Variants in SEMA3C observed in about 807,000 individuals in gnomAD.
The protein encoded by SEMA3C is semaphorin-3C.
A neutral mutation model predicts 89.4 loss-of-function variants in SEMA3C; 47 were observed. That is an observed-to-expected ratio of 0.53 (90% CI 0.42 to 0.67). The LOEUF is 0.67. Among genes scored for constraint, SEMA3C ranks in the 30% least tolerant of loss-of-function variants. The pLI is 0.00. For synonymous variants in SEMA3C, 310 were observed against 320.2 expected, an observed-to-expected ratio of 0.97 and a Z score of 0.34; for missense variants, 839 against 929.1, an observed-to-expected ratio of 0.90 and a Z score of 1.26.
At chr7:80,853,544 C>A (rs146743109) in intron 2 of SEMA3C, among the ~76,000 whole-genome samples, 2 of 152,200 alleles carry the variant, frequency 1.3e-5, no homozygotes, top group African/African-American at 4.8e-5. Flanking sequence ...TGTTCTCACT[C>A]ATTTATGGGA....
intron 2 of SEMA3C, among the ~76,000 whole-genome samples, chr7:80,912,934 G>A (rs1373299360): frequency 1.3e-5 from 2 of 152,024 alleles, no homozygotes; most frequent in African/African-American, 4.8e-5. Flanking sequence ...TCAGCTTTGG[G>A]GCTTAGTTCA....
chr7:80,769,899 A>G (rs1409671047), intron 12 of SEMA3C, among the ~76,000 whole-genome samples: 5 of 151,398 alleles, frequency 3.3e-5, no homozygotes, highest in African/African-American at 9.7e-5. Context: ...CCACAATACA[A>G]AAGCTGCTTT....
At chr7:80,847,604 C>A (rs12707036) in intron 2 of SEMA3C, among the ~76,000 whole-genome samples, 43,616 of 151,860 alleles carry the variant, frequency 0.29, 7,313 homozygotes, top group African/African-American at 0.47. Context: ...CCTTTCCAAA[C>A]GTAACAAACT....
intron 2 of SEMA3C, among the ~76,000 whole-genome samples, chr7:80,864,997 T>A (rs1320563733): frequency 2.0e-5 from 3 of 152,188 alleles, no homozygotes; most frequent in Non-Finnish European, 2.9e-5. Context: ...TTACCCTACA[T>A]CACATATTAA....
intron 2 of SEMA3C, among the ~76,000 whole-genome samples, chr7:80,911,829 A>T (rs573848161): frequency 3.9e-5 from 6 of 152,100 alleles, no homozygotes; most frequent in South Asian, 4.1e-4. Context: ...GAGACGGGGT[A>T]TCACCACGAT....
intron 2 of SEMA3C, among the ~76,000 whole-genome samples, chr7:80,833,299 G>T (rs1328159792): frequency 2.0e-5 from 3 of 151,950 alleles, no homozygotes; most frequent in African/African-American, 7.3e-5. Flanking sequence ...TGGGCATGGT[G>T]GCAGACGCAT....
intron 12 of SEMA3C, among the ~76,000 whole-genome samples, chr7:80,767,295 T>A (rs1562866097): frequency 6.6e-6 from 1 of 152,144 alleles, no homozygotes; most frequent in South Asian, 2.1e-4. Context: ...GTAGAGGAAA[T>A]TTTGAAATTA....
chr7:80,821,275 A>G (rs888623994), intron 4 of SEMA3C, among the ~76,000 whole-genome samples: 4 of 152,216 alleles, frequency 2.6e-5, no homozygotes, highest in African/African-American at 2.4e-5. Context: ...TAGAAAAATA[A>G]ACTTGAGTTT....
At chr7:80,802,375 CAT>C (rs1789229662) in intron 9 of SEMA3C, among the ~76,000 whole-genome samples, 1 of 152,158 alleles carries the variant, frequency 6.6e-6, no homozygotes, top group East Asian at 1.9e-4. Flanking sequence ...AAAACACAAA[CAT>C]ATCATTACCT....
intron 2 of SEMA3C, among the ~76,000 whole-genome samples, chr7:80,839,759 A>G (rs1388905757): frequency 6.6e-6 from 1 of 151,994 alleles, no homozygotes; most frequent in Non-Finnish European, 1.5e-5. Context: ...AAGGATGATG[A>G]CCTGACATGG....
intron 2 of SEMA3C, among the ~76,000 whole-genome samples, chr7:80,863,942 A>ATC (rs1790860551): frequency 2.1e-5 from 3 of 140,558 alleles, no homozygotes; most frequent in Non-Finnish European, 3.0e-5. Flanking sequence ...TCACATATAT[A>ATC]ATATGTATAT....
intron 2 of SEMA3C, among the ~76,000 whole-genome samples, chr7:80,880,954 C>T (rs958801482): frequency 2.6e-5 from 4 of 151,828 alleles, no homozygotes; most frequent in Non-Finnish European, 2.9e-5. Flanking sequence ...AGAAGTAAAT[C>T]GGATCGCAGA....
chr7:80,881,323 T>A (rs574141257), intron 2 of SEMA3C, among the ~76,000 whole-genome samples: 2 of 152,260 alleles, frequency 1.3e-5, no homozygotes, highest in African/African-American at 4.8e-5. Flanking sequence ...TCTTAGCTGG[T>A]TTTTTGTCAT....
intron 2 of SEMA3C, among the ~76,000 whole-genome samples, chr7:80,872,285 G>A (rs541545997): frequency 1.6e-4 from 25 of 151,864 alleles, no homozygotes; most frequent in Admixed American, 1.5e-3. Flanking sequence ...CAAGTAGCTG[G>A]GACTACAGGC....
intron 2 of SEMA3C, among the ~76,000 whole-genome samples, chr7:80,858,399 G>C (rs780696299): frequency 3.9e-5 from 6 of 152,108 alleles, no homozygotes; most frequent in Non-Finnish European, 5.9e-5. Flanking sequence ...AGATCCCAGA[G>C]GAAAATGTTT....
In SEMA3C at chr7:80,818,298, C is replaced by T. The variant is rs1232012722; in HGVS notation, c.447+1G>A. The T allele has an allele frequency of 6.2e-7, 1 of 1,603,238 alleles. No individual in the cohort carries two copies. Among genetic ancestry groups the T allele is most frequent in the African/African-American group, 1.3e-5 (1 of 74,800 alleles). On this transcript the variant is annotated splice_donor_variant, in intron 5 of 17. Transcript: ENST00000265361. LOFTEE classifies it high-confidence loss of function. The stretch of plus-strand genomic sequence containing the variant: ...TAAGAATGTTAAATAGTTATACTTA[C>T]CTCTGATCTCCTCCCTCTGTTCAAG...
At chr7:80,865,406 A>G (rs1790902218) in intron 2 of SEMA3C, among the ~76,000 whole-genome samples, 1 of 152,198 alleles carries the variant, frequency 6.6e-6, no homozygotes, top group South Asian at 2.1e-4. Flanking sequence ...TTCTACTAAT[A>G]TATTCCAATC....
intron 2 of SEMA3C, among the ~76,000 whole-genome samples, chr7:80,871,892 AATTT>A (rs1185548524): frequency 1.3e-5 from 2 of 152,110 alleles, no homozygotes; most frequent in Non-Finnish European, 2.9e-5. Flanking sequence ...AATATGTATT[AATTT>A]ATTAAAAATA....
rs116225732 is a variant in SEMA3C at position 80,857,280 on chromosome 7, G to A, written c.104-28535C>T. Reference sequence around the variant, plus strand: ...ATGCAGGTTTTGGCATCAGTGACACGGGCCCTTTAATGAAGGAAATTTGAA... The same window carrying A: ...ATGCAGGTTTTGGCATCAGTGACACAGGCCCTTTAATGAAGGAAATTTGAA... On this transcript the variant is annotated intron_variant, in intron 2 of 17. Transcript: ENST00000265361. 5.1e-3 allele frequency among the ~76,000 whole-genome samples: 769 copies of A among 152,122 alleles called. 6 individuals carry two copies. Among genetic ancestry groups the A allele is most frequent in the African/African-American group, 0.018 (732 of 41,506 alleles).
Sources: gnomAD v4.1 joint callset for allele counts (sites outside exome capture counted in the v4.1 genomes callset) on GRCh38, gnomAD v4.1.1 for gene constraint, MANE v1.5 for transcripts, NCBI Gene and HGNC (gene_info 2026-07-23, HGNC 2026-07-21) for gene names.